Variants in ITGA8 observed in about 807,000 individuals in gnomAD.
ITGA8 encodes integrin subunit alpha 8, also known as integrin alpha-8.
ITGA8 carries 91 observed loss-of-function variants against 142.3 expected under a neutral mutation model. The observed-to-expected ratio is 0.64, with a 90% CI of 0.54 to 0.76. The LOEUF (loss-of-function observed/expected upper bound fraction) is 0.76, where lower values mean the gene tolerates loss of function less well. ITGA8 is among the 30% of genes least tolerant of loss of function. ITGA8 has a pLI of 0.00. For missense variants in ITGA8, 1,406 were observed against 1,327.7 expected (o/e 1.06, Z -0.92); for synonymous variants, 505 against 485.2 (o/e 1.04, Z -0.54).
intron 25 of ITGA8, among the ~76,000 whole-genome samples, chr10:15,568,635 G>A (rs1439493596): frequency 1.3e-5 from 2 of 152,190 alleles, no homozygotes; most frequent in East Asian, 3.8e-4. Context: ...TAGGCTAGAT[G>A]TTTGGCATTC....
At chr10:15,699,524 G>T (rs948943719) in intron 2 of ITGA8, among the ~76,000 whole-genome samples, 3 of 152,114 alleles carry the variant, frequency 2.0e-5, no homozygotes, top group Admixed American at 6.6e-5. Context: ...CTCCTGTATA[G>T]CATTGCATCC....
intron 27 of ITGA8, among the ~76,000 whole-genome samples, chr10:15,544,107 C>A (rs2131553882): frequency 6.6e-6 from 1 of 152,030 alleles, no homozygotes; most frequent in Middle Eastern, 3.4e-3. Context: ...CCAGCCTAAG[C>A]AACATAGCAA....
intron 27 of ITGA8, among the ~76,000 whole-genome samples, chr10:15,531,801 T>G (rs1833302304): frequency 6.6e-6 from 1 of 151,220 alleles, no homozygotes; most frequent in Non-Finnish European, 1.5e-5. Flanking sequence ...AAAAAATAGC[T>G]TGGCATAGTG....
At chr10:15,628,364 C>T (rs1355518308) in intron 13 of ITGA8, among the ~76,000 whole-genome samples, 15 of 122,644 alleles carry the variant, frequency 1.2e-4, no homozygotes, top group African/African-American at 3.9e-4. Flanking sequence ...GATGGAGTCT[C>T]GCTCTGTCTA....
rs562419192 is a variant in ITGA8, at chr10:15,688,449, C to T, written c.344-411G>A. On this transcript the variant is annotated intron_variant, in intron 2 of 29. Transcript: ENST00000378076. ...TTGTGCTGCTACACTCCAGCCTGGG[C>T]GACAAAGTAAGACTCTGTCTCAAAA... Among the ~76,000 whole-genome samples, 142 of 151,916 alleles carry T rather than the reference C, an allele frequency of 9.3e-4. 1 individual carries two copies. In the Middle Eastern group the frequency reaches 0.014, roughly 15 times the overall value.
chr10:15,698,168 TC>T (rs1835092292), intron 2 of ITGA8, among the ~76,000 whole-genome samples: 1 of 152,224 alleles, frequency 6.6e-6, no homozygotes, highest in South Asian at 2.1e-4. Flanking sequence ...TGTTTGGTTT[TC>T]CATTTCTGAC....
At chr10:15,560,885 G>A (rs139135017) in intron 25 of ITGA8, among the ~76,000 whole-genome samples, 188 of 152,128 alleles carry the variant, frequency 1.2e-3, no homozygotes, top group African/African-American at 4.4e-3. Flanking sequence ...TAATGTTGTA[G>A]ATTTTAAAAG....
chr10:15,553,058 AC>A (rs1286837913), intron 26 of ITGA8, among the ~76,000 whole-genome samples: 1 of 152,102 alleles, frequency 6.6e-6, no homozygotes, highest in Non-Finnish European at 1.5e-5. Context: ...GGAGTTTGAG[AC>A]CAGCGTGGCC....
At chr10:15,688,207 C>T (rs1192380138) in intron 2 of ITGA8, among the ~76,000 whole-genome samples, 169 bp from the exon 3 acceptor site, 1 of 150,460 alleles carries the variant, frequency 6.6e-6, no homozygotes, top group African/African-American at 2.5e-5. Flanking sequence ...GTAATTCCAG[C>T]ACTTTGGGAA....
intron 8 of ITGA8, among the ~76,000 whole-genome samples, chr10:15,670,004 G>T (rs1834479760): frequency 6.6e-6 from 1 of 152,248 alleles, no homozygotes; most frequent in East Asian, 1.9e-4. Context: ...CAGATCTCAA[G>T]CTGCGTGCTG....
Position 15,519,309 on chromosome 10 carries a change from A to G in ITGA8, c.3086T>C (p.Leu1029Ser). 1 of 1,613,800 alleles carries G rather than the reference A, an allele frequency of 6.2e-7. No individual in the cohort carries two copies. The highest frequency in any genetic ancestry group is 8.5e-7 in the Non-Finnish European group (1 of 1,179,880). Reference sequence around the variant, plus strand: ...ACTTACCTTCCATAAAGCTAAGGTTAAAATGGCGAGAACCAACAATCCAAG... The same window carrying G: ...ACTTACCTTCCATAAAGCTAAGGTTGAAATGGCGAGAACCAACAATCCAAG... Reference protein sequence around the residue: ...ILLGLLVLAILTLALWKCGFF... With the variant: ...ILLGLLVLAISTLALWKCGFF... Residue 1029 changes from leucine (L) to serine (S), a missense_variant, in exon 29 of 30, where the codon TTA (leucine) becomes TCA (serine). Coordinates refer to ENST00000378076, the MANE Select transcript of ITGA8 (RefSeq NM_003638.3).
At chr10:15,595,945 G>A (rs141812689) in intron 21 of ITGA8, among the ~76,000 whole-genome samples, 74 of 152,250 alleles carry the variant, frequency 4.9e-4, no homozygotes, top group Non-Finnish European at 8.2e-4. Context: ...TCAGCTACTC[G>A]GGAGGCTGAG....
intron 26 of ITGA8, among the ~76,000 whole-genome samples, chr10:15,557,433 G>A (rs1023019657): frequency 2.6e-5 from 4 of 152,156 alleles, no homozygotes; most frequent in South Asian, 2.1e-4. Flanking sequence ...TATTGCTAAG[G>A]GCTAACTAAG....
rs137898860 is a variant in ITGA8, at chr10:15,683,904, C to G, written c.568+100G>C. 77 of 1,417,866 alleles carry G rather than the reference C, an allele frequency of 5.4e-5. No homozygotes were observed. In the African/African-American group the frequency reaches 8.8e-4, roughly 16 times the overall value. The allele number at this position is 1,417,866 out of a possible 1,614,324, so 87.8% of individuals were successfully genotyped here. A position where few individuals can be genotyped will look rare whatever the true frequency, so the allele number is the denominator to read the frequency against. On this transcript the variant is annotated intron_variant, in intron 4 of 29. Transcript: ENST00000378076. ...ACCCCCGAAGCTTTTTCCTTGCAAC[C>G]CTGTAAGTTATCAATGGTGTTTTGA...
intron 26 of ITGA8, among the ~76,000 whole-genome samples, chr10:15,549,051 T>A (rs1000974349): frequency 5.9e-5 from 9 of 152,174 alleles, no homozygotes; most frequent in African/African-American, 1.9e-4. Context: ...TGACTTTCAT[T>A]CATTAGGCTA....
Position 15,638,973 on chromosome 10 carries a change from C to A in ITGA8, c.1399+5057G>T, listed in dbSNP as rs58365785. On this transcript the variant is annotated intron_variant, in intron 13 of 29. Coordinates refer to ENST00000378076, the MANE Select transcript of ITGA8 (RefSeq NM_003638.3). ...GAGACCCTGTCTCTACAAAAAAAAT[C>A]AAAAAATTAGCCAGGTATGGTGGCC... Among the ~76,000 whole-genome samples the A allele has an allele frequency of 1.4e-3, 209 of 151,804 alleles. No individual in the cohort carries two copies. The East Asian group carries it at 0.022, about 16-fold the overall frequency.
Position 15,604,272 on chromosome 10 carries a change from T to G in ITGA8, c.2054A>C (p.Glu685Ala). The change falls in exon 20 of 30, where the codon GAA becomes GCA. Residue 685 changes from glutamate (E) to alanine (A), a missense_variant. Coordinates refer to ENST00000378076, the MANE Select transcript of ITGA8 (RefSeq NM_003638.3). ...NARNEGEGAY[E>A]AELFVMIPEE... ...TGGTATCATTACAAAGAGTTCAGCT[T>G]CATATGCTCCTTCCCCTTCATTTCT... is the stretch of plus-strand genomic sequence containing the variant. 3 of 1,613,506 alleles carry G rather than the reference T, an allele frequency of 1.9e-6. No individual in the cohort carries two copies. The highest frequency in any genetic ancestry group is 2.5e-6 in the Non-Finnish European group (3 of 1,179,540).
intron 24 of ITGA8, among the ~76,000 whole-genome samples, chr10:15,573,785 G>A (rs772232910): frequency 2.0e-5 from 3 of 151,816 alleles, no homozygotes; most frequent in Non-Finnish European, 4.4e-5. Context: ...CAAACAGAAC[G>A]CCTTGGAACA....
At chr10:15,688,567 T>C (rs924618204) in intron 2 of ITGA8, among the ~76,000 whole-genome samples, 2 of 152,184 alleles carry the variant, frequency 1.3e-5, no homozygotes, top group African/African-American at 4.8e-5. Flanking sequence ...TACAGGCTAA[T>C]ATCCTTGATA....
Sources: allele counts gnomAD v4.1 joint callset (sites outside exome capture counted in the v4.1 genomes callset), GRCh38; gene constraint gnomAD v4.1.1; transcripts MANE v1.5; gene names NCBI Gene and HGNC (gene_info 2026-07-23, HGNC 2026-07-21).